SIN3A: variants seen among roughly 807,000 people sequenced by gnomAD.
The protein encoded by SIN3A is paired amphipathic helix protein Sin3a.
In SIN3A, 14 loss-of-function variants were observed where a neutral mutation model predicts 146.1. That is an observed-to-expected ratio of 0.10 (90% CI 0.06 to 0.15). SIN3A has a LOEUF of 0.15. SIN3A is among the 10% of genes least tolerant of loss of function. The pLI is 1.00. For missense variants in SIN3A, 1,028 were observed against 1,576.0 expected (o/e 0.65, Z 5.89); for synonymous variants, 572 against 572.0 (o/e 1.00, Z 0.00).
At chr15:75,434,307 T>G (rs765784470) in intron 1 of SIN3A, among the ~76,000 whole-genome samples, 1 of 152,182 alleles carries the variant, frequency 6.6e-6, no homozygotes, top group Non-Finnish European at 1.5e-5. Context: ...GGTAGATGAT[T>G]TCAGCCCTTG....
chr15:75,435,959 C>CTTT (rs967010445), intron 1 of SIN3A, among the ~76,000 whole-genome samples: 3 of 148,742 alleles, frequency 2.0e-5, no homozygotes, highest in African/African-American at 7.4e-5. Flanking sequence ...GACCCTGTCT[C>CTTT]TACAAAATAA....
At chr15:75,398,062 T>G (rs1249081710) in intron 12 of SIN3A, among the ~76,000 whole-genome samples, 2 of 151,972 alleles carry the variant, frequency 1.3e-5, no homozygotes, top group African/African-American at 4.8e-5. Context: ...CTGAACCAAG[T>G]GTGAGGCGGG....
intron 9 of SIN3A, 27 bp downstream of exon 9, chr15:75,407,028 A>AT (rs2073529114): frequency 6.6e-7 from 1 of 1,522,768 alleles, no homozygotes; most frequent in African/African-American, 1.4e-5. Context: ...AACAGGCACT[A>AT]TCAAATCTAA....
chr15:75,431,308 C>G (rs999446408), intron 1 of SIN3A, among the ~76,000 whole-genome samples: 1 of 152,162 alleles, frequency 6.6e-6, no homozygotes, highest in Admixed American at 6.5e-5. Flanking sequence ...ACAGATCACT[C>G]CTAAATTTTC....
intron 15 of SIN3A, among the ~76,000 whole-genome samples, chr15:75,391,502 T>TAA (rs35832447): frequency 2.3e-3 from 297 of 129,630 alleles, no homozygotes; most frequent in Admixed American, 3.1e-3. Flanking sequence ...CAGCAACACA[T>TAA]AAAAAAAAAA....
chr15:75,376,846 C>T (rs1047848444), intron 19 of SIN3A, among the ~76,000 whole-genome samples: 8 of 138,962 alleles, frequency 5.8e-5, no homozygotes, highest in Non-Finnish European at 1.1e-4. Context: ...GGACACAGAG[C>T]CAGACACTGT....
chr15:75,400,205 T>C (rs1305206148), intron 11 of SIN3A, 49 bp from the exon 12 acceptor site: 1 of 1,024,240 alleles, frequency 9.8e-7, no homozygotes, highest in African/African-American at 1.6e-5. Flanking sequence ...AAAAGCTTTC[T>C]GGTGATTAAG....
intron 17 of SIN3A, among the ~76,000 whole-genome samples, chr15:75,383,654 G>C (rs1237384514): frequency 6.6e-5 from 10 of 152,018 alleles, no homozygotes; most frequent in African/African-American, 2.4e-4. Context: ...TCAGCCTCCA[G>C]AGTAGCTGGG....
intron 8 of SIN3A, among the ~76,000 whole-genome samples, 155 bp from the exon 9 acceptor site, chr15:75,407,299 A>T (rs1367321964): frequency 6.6e-6 from 1 of 152,200 alleles, no homozygotes; most frequent in Non-Finnish European, 1.5e-5. Context: ...CATACCCTCT[A>T]AGATTTCAAC....
At chr15:75,399,506 A>C (rs896525498) in intron 12 of SIN3A, among the ~76,000 whole-genome samples, 1 of 151,884 alleles carries the variant, frequency 6.6e-6, no homozygotes, top group Non-Finnish European at 1.5e-5. Flanking sequence ...CCAGCCTGGG[A>C]GACAGAGCGA....
intron 12 of SIN3A, among the ~76,000 whole-genome samples, chr15:75,399,530 AAAAAC>A (rs898539447): frequency 7.0e-6 from 1 of 143,130 alleles, no homozygotes; most frequent in South Asian, 2.3e-4. Context: ...TCCGTCTCAA[AAAAAC>A]AAAACAAAAC....
At chr15:75,399,511 G>A (rs1202278644) in intron 12 of SIN3A, among the ~76,000 whole-genome samples, 1 of 151,946 alleles carries the variant, frequency 6.6e-6, no homozygotes, top group East Asian at 1.9e-4. Context: ...CTGGGAGACA[G>A]AGCGAGACTC....
chr15:75,447,065 C>G (rs1295478403), intron 1 of SIN3A, among the ~76,000 whole-genome samples: 1 of 152,214 alleles, frequency 6.6e-6, no homozygotes, highest in East Asian at 1.9e-4. Flanking sequence ...CCGCGCCCAG[C>G]TCATTACAGA....
rs201027320 is a variant in SIN3A, at chr15:75,411,495, A to G, written c.1005T>C (p.Tyr335=). The change falls in exon 6 of 21, where the codon TAT becomes TAC. Residue 335 remains tyrosine (Y), a synonymous_variant. Coordinates refer to ENST00000394947, the MANE Select transcript of SIN3A (RefSeq NM_001145358.2). Reference sequence around the variant, plus strand: ...AGGCTGAATGGGCACTCCTTACCTGATATGTGTGCAAAATCTCCAGGAATG... The same window carrying G: ...AGGCTGAATGGGCACTCCTTACCTGGTATGTGTGCAAAATCTCCAGGAATG... ...YKAFLEILHT[Y]QKEQRNAKEA... The G allele has an allele frequency of 8.2e-5, 133 of 1,613,420 alleles. 1 individual carries two copies. Among genetic ancestry groups the G allele is most frequent in the Middle Eastern group, 1.7e-4 (1 of 6,058 alleles).
chr15:75,417,740 A>G (rs2073767438), intron 3 of SIN3A, among the ~76,000 whole-genome samples: 1 of 152,112 alleles, frequency 6.6e-6, no homozygotes, highest in African/African-American at 2.4e-5. Flanking sequence ...TCAATCATTA[A>G]CTGGTGCTGT....
chr15:75,392,553 G>C lies in SIN3A; in HGVS notation c.2540C>G (p.Ala847Gly), dbSNP rs190764505. ...ATTGTGCTTCTTAACTGCCCCTGTG[G>C]CTTCATCTACATCCATCTCTTCTTC... ...EEEEEMDVDE[A>G]TGAVKKHNGV... The change falls in exon 15 of 21, where the codon GCC becomes GGC. Residue 847 changes from alanine to glycine, a missense_variant. By Grantham distance (60) the Ala-to-Gly change is moderately conservative. This residue lies in a region of SIN3A where 488 missense variants were observed against 690.2 expected (regional missense o/e 0.71). Transcript: ENST00000394947. 5 of 1,614,036 alleles carry C rather than the reference G, an allele frequency of 3.1e-6. No individual in the cohort carries two copies. Among genetic ancestry groups the C allele is most frequent in the Non-Finnish European group, 4.2e-6 (5 of 1,180,030 alleles).
At position 75,400,889 on chromosome 15, in the gene SIN3A, C is replaced by T. The variant is rs2073399504; in HGVS notation, c.1578G>A (p.Glu526=). 1 of 1,613,992 alleles carries T rather than the reference C, an allele frequency of 6.2e-7. No individual in the cohort carries two copies. Among genetic ancestry groups the T allele is most frequent in the African/African-American group, 1.3e-5 (1 of 74,926 alleles). The stretch of plus-strand genomic sequence containing the variant: ...TTGGATAAGTTTCCAGATGTACAGA[C>T]TCCTTATAGCCCAGAAAGTTTTTAA... ...NWFKNFLGYK[E]SVHLETYPKE... The change falls in exon 11 of 21, where the codon GAG becomes GAA. Residue 526 remains glutamate (E), a synonymous_variant. Transcript: ENST00000394947.
chr15:75,392,115 CAG>C, intron 15 of SIN3A, 125 bp downstream of exon 15: 2 of 859,336 alleles, frequency 2.3e-6, no homozygotes. Context: ...TAAACAGGTT[CAG>C]AGAGTTTAAC....
chr15:75,394,662 C>A lies in SIN3A; in HGVS notation c.2277+18G>T, dbSNP rs1055646694. On this transcript the variant is annotated intron_variant, in intron 14 of 20. Transcript: ENST00000394947. ...ATAGACTAGAGTCCTCTCACAGATG[C>A]AGAAACCCCCCGCTCACCTCATCAT... The A allele has an allele frequency of 9.5e-6, 15 of 1,586,364 alleles. No homozygotes were observed. The highest frequency in any genetic ancestry group is 1.3e-5 in the Non-Finnish European group (15 of 1,167,358).
Sources: gnomAD v4.1 joint callset for allele counts (sites outside exome capture counted in the v4.1 genomes callset) on GRCh38, gnomAD v4.1.1 for gene constraint, gnomAD v4.1.1 regional missense constraint, MANE v1.5 for transcripts, NCBI Gene and HGNC (gene_info 2026-07-23, HGNC 2026-07-21) for gene names.